FMNL2: variants seen among roughly 807,000 people sequenced by gnomAD.
FMNL2 encodes formin-like protein 2.
In FMNL2, 51 loss-of-function variants were observed where a neutral mutation model predicts 130.2. That is an observed-to-expected ratio of 0.39 (90% CI 0.31 to 0.49). FMNL2 has a LOEUF of 0.49. Ranked by LOEUF, FMNL2 falls within the 20% of genes least tolerant of loss-of-function variation. The pLI is 0.85. For missense variants in FMNL2, 977 were observed against 1,316.2 expected, an observed-to-expected ratio of 0.74 and a Z score of 3.99; for synonymous variants, 465 against 467.1, an observed-to-expected ratio of 1.00 and a Z score of 0.06.
chr2:152,389,471 A>G (rs1684975994), intron 1 of FMNL2, among the ~76,000 whole-genome samples: 1 of 152,218 alleles, frequency 6.6e-6, no homozygotes, highest in South Asian at 2.1e-4. Flanking sequence ...GTTTCAACCT[A>G]TGAATTTTGA....
At chr2:152,598,813 T>C (rs1253885546) in intron 9 of FMNL2, among the ~76,000 whole-genome samples, 1 of 152,248 alleles carries the variant, frequency 6.6e-6, no homozygotes, top group Non-Finnish European at 1.5e-5. Flanking sequence ...TCTATAGATA[T>C]ATCTGAAGAT....
intron 13 of FMNL2, among the ~76,000 whole-genome samples, chr2:152,617,716 T>A (rs1699031891): frequency 6.6e-6 from 1 of 152,202 alleles, no homozygotes; most frequent in Non-Finnish European, 1.5e-5. Context: ...TCCCAGCTAT[T>A]TTATTTGGCC....
At chr2:152,382,486 A>G (rs1305053982) in intron 1 of FMNL2, among the ~76,000 whole-genome samples, 1 of 152,170 alleles carries the variant, frequency 6.6e-6, no homozygotes, top group African/African-American at 2.4e-5. Flanking sequence ...AGATCTCAAG[A>G]AGGGCTGAGA....
rs1405621297 is a variant in FMNL2, at chr2:152,618,935, G to A, written c.1404G>A (p.Leu468=). 5 of 1,613,848 alleles carry A rather than the reference G, an allele frequency of 3.1e-6. No homozygotes were observed. In the African/African-American group the frequency reaches 6.7e-5, roughly 22 times the overall value. ...KEEAIQRQST[L]EKKIHELEKQ... ...AAGCAATTCAAAGACAGTCTACCCT[G>A]GAAAAAAAGATTCATGAGCTAGAGA... The change falls in exon 14 of 26, where the codon CTG becomes CTA. Residue 468 remains leucine (L), a synonymous_variant. Transcript: ENST00000288670.
At chr2:152,476,368 T>C (rs1558895009) in intron 1 of FMNL2, among the ~76,000 whole-genome samples, 1 of 152,184 alleles carries the variant, frequency 6.6e-6, no homozygotes, top group Non-Finnish European at 1.5e-5. Context: ...GAAAAGCTAG[T>C]AGTACCAACA....
chr2:152,404,669 G>A (rs1685885262), intron 1 of FMNL2, among the ~76,000 whole-genome samples: 1 of 152,142 alleles, frequency 6.6e-6, no homozygotes, highest in Non-Finnish European at 1.5e-5. Context: ...TGGTGGCGGT[G>A]GCAGTGGCAG....
At chr2:152,641,826 A>G (rs566355153) in intron 25 of FMNL2, among the ~76,000 whole-genome samples, 1 of 152,318 alleles carries the variant, frequency 6.6e-6, no homozygotes, top group South Asian at 2.1e-4. Context: ...AAACAAAAAC[A>G]TACTTTACAC....
chr2:152,436,772 T>A (rs13427076), intron 1 of FMNL2, among the ~76,000 whole-genome samples: 16,080 of 152,150 alleles, frequency 0.11, 1,115 homozygotes, highest in East Asian at 0.24. Context: ...CTGGTAAATG[T>A]AGTCCTTGGC....
At chr2:152,625,870 G>T (rs1416302812) in intron 16 of FMNL2, among the ~76,000 whole-genome samples, 1 of 152,004 alleles carries the variant, frequency 6.6e-6, no homozygotes, top group Non-Finnish European at 1.5e-5. Flanking sequence ...AAAAACTTTT[G>T]GACTGCAAGT....
intron 1 of FMNL2, among the ~76,000 whole-genome samples, chr2:152,346,329 C>G (rs1682120915): frequency 6.6e-6 from 1 of 152,070 alleles, no homozygotes; most frequent in Non-Finnish European, 1.5e-5. Context: ...CTGGCCTATA[C>G]TTTTATTATT....
intron 8 of FMNL2, among the ~76,000 whole-genome samples, chr2:152,579,985 A>G (rs1419226645): frequency 6.6e-6 from 1 of 152,240 alleles, no homozygotes; most frequent in Non-Finnish European, 1.5e-5. Flanking sequence ...GATTTGGAAA[A>G]TGCAACACGA....
intron 1 of FMNL2, among the ~76,000 whole-genome samples, chr2:152,412,444 TTTTA>T (rs1382641412): frequency 2.9e-4 from 30 of 103,346 alleles, no homozygotes; most frequent in African/African-American, 8.9e-4. Context: ...CTTCTGTATA[TTTTA>T]TATATATATA....
intron 6 of FMNL2, among the ~76,000 whole-genome samples, chr2:152,569,923 A>ACC (rs1476946460): frequency 2.6e-5 from 4 of 151,644 alleles, no homozygotes; most frequent in African/African-American, 9.7e-5. Flanking sequence ...AGGCAGGAGA[A>ACC]TTGCTTGAAC....
intron 1 of FMNL2, among the ~76,000 whole-genome samples, chr2:152,477,136 G>C (rs924482770): frequency 1.3e-5 from 2 of 152,048 alleles, no homozygotes; most frequent in Admixed American, 6.6e-5. Flanking sequence ...CTCCCTATTT[G>C]GAAAGCTTAC....
intron 1 of FMNL2, among the ~76,000 whole-genome samples, chr2:152,481,192 T>G (rs1172394320): frequency 6.6e-6 from 1 of 152,226 alleles, no homozygotes; most frequent in Non-Finnish European, 1.5e-5. Flanking sequence ...AAAAATTTCT[T>G]CTAAGCAGAA....
At chr2:152,574,661 T>C (rs1696378924) in intron 6 of FMNL2, among the ~76,000 whole-genome samples, 1 of 152,192 alleles carries the variant, frequency 6.6e-6, no homozygotes, top group Non-Finnish European at 1.5e-5. Context: ...AAATTACTCT[T>C]TCTTTTTAAA....
At chr2:152,542,699 T>G in intron 2 of FMNL2, 40 bp from the exon 3 acceptor site, 2 of 1,603,704 alleles carry the variant, frequency 1.2e-6, no homozygotes, top group Non-Finnish European at 1.7e-6. Flanking sequence ...GTGTCATGGC[T>G]TCATACCTTT....
intron 22 of FMNL2, among the ~76,000 whole-genome samples, chr2:152,637,331 T>C (rs1306848873): frequency 6.6e-6 from 1 of 152,192 alleles, no homozygotes; most frequent in African/African-American, 2.4e-5. Context: ...TGTGTAGAAG[T>C]GGCAGGAGGT....
Position 152,617,289 on chromosome 2 carries a change from T to C in FMNL2, c.1314+97T>C. On this transcript the variant is annotated intron_variant, in intron 13 of 25. Coordinates refer to ENST00000288670, the MANE Select transcript of FMNL2 (RefSeq NM_052905.4). ...GCAGAGTACCTTCATTTCAGAGGAATGCATTGATGCAGCATATTTATTGGA... is the reference window on the plus strand; with the variant it reads ...GCAGAGTACCTTCATTTCAGAGGAACGCATTGATGCAGCATATTTATTGGA... The C allele has an allele frequency of 4.9e-6, 5 of 1,020,620 alleles. No individual in the cohort carries two copies. In the South Asian group the frequency reaches 7.3e-5, roughly 15 times the overall value. The allele number at this position is 1,020,620 out of a possible 1,614,324, so 63.2% of individuals were successfully genotyped here.
Sources: allele counts gnomAD v4.1 joint callset (sites outside exome capture counted in the v4.1 genomes callset), GRCh38; gene constraint gnomAD v4.1.1; transcripts MANE v1.5; gene names NCBI Gene and HGNC (gene_info 2026-07-23, HGNC 2026-07-21).